The following ADAP1 variants were observed in gnomAD, a reference collection of about 807,000 sequenced individuals.
ADAP1 encodes arf-GAP with dual PH domain-containing protein 1.
ADAP1 carries 31 observed loss-of-function variants against 54.9 expected under a neutral mutation model. The ratio of observed to expected loss-of-function variants is 0.56; its 90% CI spans 0.42 to 0.76. The LOEUF is 0.76. Ranked by LOEUF, ADAP1 falls within the 30% of genes least tolerant of loss-of-function variation. The pLI is 0.00. For synonymous variants in ADAP1, 313 were observed against 202.6 expected (o/e 1.55, Z -4.63); for missense variants, 535 against 512.4 (o/e 1.04, Z -0.42).
At chr7:917,693 G>C (rs1408137944) in intron 4 of ADAP1, among the ~76,000 whole-genome samples, 2 of 152,272 alleles carry the variant, frequency 1.3e-5, no homozygotes, top group South Asian at 2.1e-4. Context: ...CGAACTCGTG[G>C]TCTCAAGTGA....
At chr7:903,237 C>A (rs542729991) in intron 6 of ADAP1, among the ~76,000 whole-genome samples, 2 of 152,126 alleles carry the variant, frequency 1.3e-5, no homozygotes, top group Non-Finnish European at 2.9e-5. Context: ...GGGCTGCACC[C>A]GACTCGGCCC....
Position 905,550 on chromosome 7 carries a change from G to GGAGAAA in ADAP1, c.389-379_389-378insTTTCTC, listed in dbSNP as rs1845163025. On this transcript the variant is annotated intron_variant, in intron 4 of 10. Transcript: ENST00000265846. The stretch of plus-strand genomic sequence containing the variant: ...AGAAGGGAGAAGGGAGAAGGGAGAA[G>GGAGAAA]GGAGAAAGGAGAAAGGAGAAAGGAG... 2.5e-3 allele frequency: 15 copies of GGAGAAA among 6,084 alleles called. 4 individuals are homozygous for GGAGAAA. The highest frequency in any genetic ancestry group is 4.5e-3 in the Admixed American group (2 of 442). 0.4% of individuals were successfully genotyped at this position (6,084 alleles called of 1,614,324 possible).
In ADAP1 at chr7:920,068, A is replaced by G. The variant is rs1261686816; in HGVS notation, c.306-18T>C. 1.9e-6 allele frequency: 3 copies of G among 1,601,994 alleles called. No homozygotes were observed. In the Admixed American group the frequency reaches 5.0e-5, roughly 27 times the overall value. ...GAAGGAGCCTGTGGGGAGAGGAGAG[A>G]CTGAGCCACTGGGCCAAGGCGGCCT... is the stretch of plus-strand genomic sequence containing the variant. On this transcript the variant is annotated intron_variant, in intron 3 of 10. Transcript: ENST00000265846. This position sits in a 1 kb window ranked among gnomAD's most constrained non-coding sequence, Gnocchi z 4.5.
At chr7:909,663 C>T (rs1845639214) in intron 4 of ADAP1, among the ~76,000 whole-genome samples, 1 of 152,252 alleles carries the variant, frequency 6.6e-6, no homozygotes. Flanking sequence ...TGAGACGGGG[C>T]TTCTCCCCAC....
At chr7:907,826 G>C (rs1460668588) in intron 4 of ADAP1, among the ~76,000 whole-genome samples, 2 of 152,182 alleles carry the variant, frequency 1.3e-5, no homozygotes, top group East Asian at 1.9e-4. Context: ...AGTGGGTGCA[G>C]ACTCTCCTGG....
chr7:913,488 A>C (rs2128101857), intron 4 of ADAP1, among the ~76,000 whole-genome samples: 1 of 152,128 alleles, frequency 6.6e-6, no homozygotes, highest in South Asian at 2.1e-4. Context: ...GGCGTGAGGC[A>C]CCGCGCCCGG....
chr7:905,268 GACACGGGGGACAC>G, intron 4 of ADAP1, 96 bp from the exon 5 acceptor site: 1 of 664,732 alleles, frequency 1.5e-6, no homozygotes, highest in South Asian at 1.5e-5. Context: ...ATGGGGAGAA[GACACGGGGGACAC>G]GGACGGGGGA....
chr7:911,907 C>G (rs775199913), intron 4 of ADAP1, among the ~76,000 whole-genome samples: 6 of 152,104 alleles, frequency 3.9e-5, no homozygotes, highest in Non-Finnish European at 7.4e-5. Context: ...CCCGTCCCCC[C>G]GAGGGGCAGC....
In ADAP1 at chr7:920,514, G is replaced by GCACC. The variant is rs1210288861; in HGVS notation, c.306-468_306-465dup. Among the ~76,000 whole-genome samples, 1 of 150,220 alleles carries GCACC rather than the reference G, an allele frequency of 6.7e-6. No homozygotes were observed. Among genetic ancestry groups the GCACC allele is most frequent in the Non-Finnish European group, 1.5e-5 (1 of 67,584 alleles). ...CCTCCACCCACCGTGCTGCCACCTT[G>GCACC]CACCCCCCGTGCCGCCCTCCACCCG... On this transcript the variant is annotated intron_variant, in intron 3 of 10. Transcript: ENST00000265846. The surrounding 1 kb of genome is among the most constrained non-coding windows in gnomAD (Gnocchi z 4.5).
intron 8 of ADAP1, 68 bp downstream of exon 8, chr7:900,034 G>T: frequency 6.4e-7 from 1 of 1,570,062 alleles, no homozygotes; most frequent in Non-Finnish European, 8.7e-7. Context: ...CAAGGCTGCT[G>T]CACTTCAGTC....
At position 939,263 on chromosome 7, in the gene ADAP1, A is replaced by G. The variant is rs989713524; in HGVS notation, c.83-3758T>C. 5.3e-5 allele frequency among the ~76,000 whole-genome samples: 8 copies of G among 152,196 alleles called. No homozygotes were observed. The South Asian group carries it at 1.7e-3, about 32-fold the overall frequency. On this transcript the variant is annotated intron_variant, in intron 1 of 10. Transcript: ENST00000265846. ...AGACAGAGTTTCGCTCTTGTTGTCC[A>G]GGCTGGAGTGCAATGGTGTGATCTC...
intron 4 of ADAP1, 154 bp from the exon 5 acceptor site, chr7:905,326 A>ACGAG: frequency 2.0e-6 from 1 of 510,542 alleles, no homozygotes; most frequent in Non-Finnish European, 3.6e-6. Context: ...GAGAGGGGAC[A>ACGAG]TGGAGGAGAC....
intron 3 of ADAP1, among the ~76,000 whole-genome samples, chr7:925,217 C>T (rs1405385555): frequency 6.6e-6 from 1 of 152,100 alleles, no homozygotes; most frequent in Non-Finnish European, 1.5e-5. Context: ...CTGAACACAC[C>T]TCCAGCCCCT....
chr7:905,404 GGAGAAAGGGAGAAA>G lies in ADAP1; in HGVS notation c.389-246_389-233del, dbSNP rs1562911695. The G allele has an allele frequency of 3.9e-4, 89 of 229,520 alleles. 6 individuals carry two copies. The highest frequency in any genetic ancestry group is 1.0e-3 in the Middle Eastern group (1 of 1,002). 14.2% of individuals were successfully genotyped at this position (229,520 alleles called of 1,614,324 possible). ...GAAAGGAGAAAGGAGAAAGGAGAAAGGAGAAAGGGAGAAAGAGAAAGGAGAAAGGAGAAAGGGAG... is the reference window on the plus strand; with the variant it reads ...GAAAGGAGAAAGGAGAAAGGAGAAAGGAGAAAGGAGAAAGGAGAAAGGGAG... On this transcript the variant is annotated intron_variant, in intron 4 of 10. Coordinates refer to ENST00000265846, the MANE Select transcript of ADAP1 (RefSeq NM_006869.4).
At chr7:918,302 A>C (rs1467220465) in intron 4 of ADAP1, among the ~76,000 whole-genome samples, 1 of 152,068 alleles carries the variant, frequency 6.6e-6, no homozygotes, top group Non-Finnish European at 1.5e-5. Context: ...CCGTAGCCTC[A>C]AACTCCTGCA....
At chr7:905,006 G>C in intron 5 of ADAP1, 54 bp downstream of exon 5, 1 of 1,521,026 alleles carries the variant, frequency 6.6e-7, no homozygotes, top group Non-Finnish European at 9.0e-7. Flanking sequence ...CAGTGTGGGA[G>C]GCCGGGATGC....
chr7:905,059 C>A lies in ADAP1; in HGVS notation c.501+1G>T. 6.2e-7 allele frequency: 1 copy of A among 1,610,194 alleles called. No homozygotes were observed. Among genetic ancestry groups the A allele is most frequent in the South Asian group, 1.1e-5 (1 of 91,088 alleles). On this transcript the variant is annotated splice_donor_variant, in intron 5 of 10. Transcript: ENST00000265846. LOFTEE classifies it high-confidence loss of function. ...CCACCCCACCCCCGTCTGTGACTCACATCATTTCTGTTGAAATACTTCAGA... is the reference window on the plus strand; with the variant it reads ...CCACCCCACCCCCGTCTGTGACTCAAATCATTTCTGTTGAAATACTTCAGA...
At chr7:929,017 G>A (rs1284842061) in intron 2 of ADAP1, among the ~76,000 whole-genome samples, 3 of 152,340 alleles carry the variant, frequency 2.0e-5, no homozygotes, top group African/African-American at 7.2e-5. Context: ...ATGCCGGCCG[G>A]GCGCGGGGGC....
chr7:905,806 AGAAAGGAGAAG>A (rs1845230211), intron 4 of ADAP1, among the ~76,000 whole-genome samples: 2 of 65,956 alleles, frequency 3.0e-5, no homozygotes, highest in African/African-American at 1.3e-4. Context: ...AGGAGAAAGG[AGAAAGGAGAAG>A]GGAGAAGGGA....
Sources: gnomAD v4.1 joint callset for allele counts (sites outside exome capture counted in the v4.1 genomes callset) on GRCh38, gnomAD v4.1.1 for gene constraint, Gnocchi (gnomAD v3.1) non-coding constraint, MANE v1.5 for transcripts, NCBI Gene and HGNC (gene_info 2026-07-23, HGNC 2026-07-21) for gene names.